The following KLF8 variants were observed in gnomAD, a reference collection of about 807,000 sequenced individuals.
The protein encoded by KLF8 is KLF transcription factor 8, also known as Krueppel-like factor 8.
Under a neutral mutation model 18.2 loss-of-function variants are expected in KLF8, and 10 were observed. The observed-to-expected ratio is 0.55, with a 90% confidence interval of 0.34 to 0.93. The LOEUF is 0.93. Ranked by LOEUF, KLF8 falls within the 40% of genes least tolerant of loss-of-function variation. The pLI is 0.02. For missense variants in KLF8, 264 were observed against 277.9 expected (o/e 0.95, Z 0.36); for synonymous variants, 109 against 97.3 (o/e 1.12, Z -0.71).
At chrX:56,014,331 C>T in the KLF8 span, among the ~76,000 whole-genome samples, 1 of 112,299 alleles carries the variant, frequency 8.9e-6, no homozygotes. Flanking sequence ...TGAACAGACA[C>T]TTCTCAAAAG....
the KLF8 span, among the ~76,000 whole-genome samples, chrX:56,188,990 C>A: frequency 1.8e-5 from 2 of 111,679 alleles, no homozygotes; most frequent in Non-Finnish European, 3.8e-5. Context: ...ACACCAAAAG[C>A]AATGGCAACA....
chrX:55,931,736 CTG>C, the KLF8 span, among the ~76,000 whole-genome samples: 2 of 110,648 alleles, frequency 1.8e-5, no homozygotes, highest in South Asian at 7.6e-4. Context: ...GTCTGAGAGA[CTG>C]TTATGATTTC....
chrX:56,115,686 C>T, the KLF8 span, among the ~76,000 whole-genome samples: 2 of 111,491 alleles, frequency 1.8e-5, no homozygotes, highest in Admixed American at 9.5e-5. Context: ...ATGTGGTACC[C>T]GGCTAAGCAG....
At chrX:56,213,427 T>A in the KLF8 span, among the ~76,000 whole-genome samples, 4 of 97,923 alleles carry the variant, frequency 4.1e-5, no homozygotes, top group Non-Finnish European at 8.0e-5. Flanking sequence ...GTTCAAGCAA[T>A]TCTCCTGCCT....
chrX:56,272,632 A>C (rs768973467), intron 5 of KLF8, among the ~76,000 whole-genome samples: 13 of 110,842 alleles, frequency 1.2e-4, no homozygotes, highest in Admixed American at 2.9e-4. Context: ...GAAACATTTA[A>C]TTTGCCCCAA....
the KLF8 span, among the ~76,000 whole-genome samples, chrX:56,068,130 C>T: frequency 3.6e-5 from 4 of 112,087 alleles, no homozygotes; most frequent in Non-Finnish European, 7.5e-5. Flanking sequence ...GGCACATGAC[C>T]CCATCCAGCC....
upstream of KLF8, among the ~76,000 whole-genome samples, chrX:56,232,253 G>A (rs1450810588): frequency 8.9e-6 from 1 of 111,864 alleles, no homozygotes; most frequent in Admixed American, 9.4e-5. Flanking sequence ...GGCTGAGGGA[G>A]GCGGCCGCCG....
chrX:55,947,938 A>G, the KLF8 span, among the ~76,000 whole-genome samples: 1 of 112,190 alleles, frequency 8.9e-6, no homozygotes, highest in African/African-American at 3.2e-5. Context: ...TAGAGGTACA[A>G]TTAGATGCAG....
At chrX:56,069,126 C>G in the KLF8 span, among the ~76,000 whole-genome samples, 1 of 112,346 alleles carries the variant, frequency 8.9e-6, no homozygotes, top group African/African-American at 3.2e-5. Flanking sequence ...GGTGACCCCA[C>G]CCACCCATGC....
the KLF8 span, among the ~76,000 whole-genome samples, chrX:56,097,484 A>G: frequency 1.1e-4 from 12 of 107,439 alleles, no homozygotes; most frequent in Admixed American, 1.2e-3. Flanking sequence ...TGTGTGCACC[A>G]CACCCAGCTA....
chrX:56,269,326 T>G, intron 3 of KLF8, 52 bp from the exon 4 acceptor site: 3 of 1,123,559 alleles, frequency 2.7e-6, no homozygotes, highest in Non-Finnish European at 3.5e-6. Flanking sequence ...TGAAAATGAT[T>G]AAAGAGGCAC....
At chrX:56,093,148 A>T in the KLF8 span, among the ~76,000 whole-genome samples, 2 of 111,499 alleles carry the variant, frequency 1.8e-5, no homozygotes, top group African/African-American at 6.5e-5. Context: ...GTGATGCCTG[A>T]AAATTTTCCA....
the KLF8 span, among the ~76,000 whole-genome samples, chrX:56,057,142 TG>T: frequency 7.2e-5 from 8 of 111,724 alleles, no homozygotes; most frequent in African/African-American, 2.0e-4. Flanking sequence ...GTGGTGGTGT[TG>T]GCATGGGGTT....
At chrX:55,954,807 G>T in the KLF8 span, among the ~76,000 whole-genome samples, 3 of 111,979 alleles carry the variant, frequency 2.7e-5, no homozygotes, top group Non-Finnish European at 5.7e-5. Context: ...CTGACAGATG[G>T]TTAAACAAAA....
At chrX:56,170,972 T>C in the KLF8 span, among the ~76,000 whole-genome samples, 1 of 111,761 alleles carries the variant, frequency 8.9e-6, no homozygotes, top group South Asian at 3.7e-4. Flanking sequence ...GGAGCACCAA[T>C]ATATCTGGCA....
At chrX:55,949,097 T>A in the KLF8 span, among the ~76,000 whole-genome samples, 2 of 112,202 alleles carry the variant, frequency 1.8e-5, no homozygotes, top group Non-Finnish European at 3.8e-5. Context: ...GAGTAACTCT[T>A]GCTTTACAGG....
the KLF8 span, among the ~76,000 whole-genome samples, chrX:56,120,479 C>T: frequency 7.1e-5 from 8 of 112,063 alleles, no homozygotes; most frequent in African/African-American, 2.6e-4. Context: ...TGTCTGTGCT[C>T]TTGGTTCCTG....
chrX:56,086,597 CA>C, the KLF8 span, among the ~76,000 whole-genome samples: 1 of 110,631 alleles, frequency 9.0e-6, no homozygotes, highest in Non-Finnish European at 1.9e-5. Context: ...ATAACACAGA[CA>C]TTTTTTTCTA....
At chrX:56,245,847 A>T (rs2066616313) in intron 1 of KLF8, among the ~76,000 whole-genome samples, 1 of 112,086 alleles carries the variant, frequency 8.9e-6, no homozygotes, top group Non-Finnish European at 1.9e-5. Flanking sequence ...AACTCTAGAG[A>T]AGAGCAAGAG....
Sources: gnomAD v4.1 joint callset for allele counts (sites outside exome capture counted in the v4.1 genomes callset) on GRCh38, gnomAD v4.1.1 for gene constraint, MANE v1.5 for transcripts, NCBI Gene and HGNC (gene_info 2026-07-23, HGNC 2026-07-21) for gene names.